The following TSHZ2 variants were observed in gnomAD, a reference collection of about 807,000 sequenced individuals.
TSHZ2 encodes the protein teashirt zinc finger homeobox 2.
A neutral mutation model predicts 74.4 loss-of-function variants in TSHZ2; 21 were observed. That is an observed-to-expected ratio of 0.28 (90% confidence interval 0.20 to 0.41). The LOEUF (loss-of-function observed/expected upper bound fraction) is 0.41, where lower values mean the gene tolerates loss of function less well. Ranked by LOEUF, TSHZ2 falls within the 10% of genes least tolerant of loss-of-function variation. TSHZ2 has a pLI of 1.00. For missense variants in TSHZ2, 1,244 were observed against 1,293.5 expected (o/e 0.96, Z 0.59); for synonymous variants, 540 against 515.3 (o/e 1.05, Z -0.65).
chr20:53,331,295 A>G (rs2145547959), intron 2 of TSHZ2, among the ~76,000 whole-genome samples: 2 of 152,318 alleles, frequency 1.3e-5, no homozygotes, highest in South Asian at 4.1e-4. Flanking sequence ...GGAAGGTAGT[A>G]ACTAACCAGG....
At chr20:53,234,381 T>A (rs1371349451) in intron 1 of TSHZ2, among the ~76,000 whole-genome samples, 1 of 152,168 alleles carries the variant, frequency 6.6e-6, no homozygotes, top group South Asian at 2.1e-4. Flanking sequence ...CATGCACAGG[T>A]GCCTCCATAC....
At chr20:53,316,826 C>A (rs1241698450) in intron 2 of TSHZ2, among the ~76,000 whole-genome samples, 2 of 152,122 alleles carry the variant, frequency 1.3e-5, no homozygotes, top group African/African-American at 2.4e-5. Context: ...AAAAAGGTTG[C>A]CAATCCCTGC....
At chr20:52,997,745 C>A (rs553069928) in intron 1 of TSHZ2, among the ~76,000 whole-genome samples, 1 of 152,308 alleles carries the variant, frequency 6.6e-6, no homozygotes, top group Non-Finnish European at 1.5e-5. Flanking sequence ...CCAACTAAAT[C>A]TTTGTGGCTT....
intron 2 of TSHZ2, among the ~76,000 whole-genome samples, chr20:53,286,736 T>A (rs1991173927): frequency 6.6e-6 from 1 of 152,114 alleles, no homozygotes; most frequent in Admixed American, 6.5e-5. Flanking sequence ...AAAAATAATT[T>A]ATTTTTACTT....
At chr20:53,000,802 T>G (rs1190095110) in intron 1 of TSHZ2, among the ~76,000 whole-genome samples, 2 of 152,168 alleles carry the variant, frequency 1.3e-5, no homozygotes, top group Non-Finnish European at 2.9e-5. Flanking sequence ...TTTCAGGACT[T>G]TTTGATCTCT....
At chr20:53,047,359 C>G (rs540981027) in intron 1 of TSHZ2, among the ~76,000 whole-genome samples, 108 of 152,296 alleles carry the variant, frequency 7.1e-4, no homozygotes, top group Middle Eastern at 3.4e-3. Flanking sequence ...TCTTTGGTTG[C>G]TCTGCCACCG....
intron 2 of TSHZ2, among the ~76,000 whole-genome samples, chr20:53,480,069 GTT>G (rs71194484): frequency 5.7e-3 from 725 of 127,616 alleles, no homozygotes; most frequent in Middle Eastern, 7.9e-3. Flanking sequence ...CCAGGTTTTT[GTT>G]TTTTTTTTTT....
intron 1 of TSHZ2, among the ~76,000 whole-genome samples, chr20:52,975,712 C>T (rs35734834): frequency 6.6e-6 from 1 of 152,098 alleles, no homozygotes; most frequent in Admixed American, 6.5e-5. Context: ...TATTTATTTG[C>T]TCACATATTA....
chr20:53,392,951 A>C, intron 2 of TSHZ2, among the ~76,000 whole-genome samples: 1 of 152,106 alleles, frequency 6.6e-6, no homozygotes, highest in Admixed American at 6.5e-5. Context: ...CCCCTGCCTC[A>C]ACCTCCCGAG....
At chr20:53,448,342 G>A (rs1984640758) in intron 2 of TSHZ2, among the ~76,000 whole-genome samples, 1 of 152,160 alleles carries the variant, frequency 6.6e-6, no homozygotes, top group Non-Finnish European at 1.5e-5. Flanking sequence ...ACAGGAAGCA[G>A]GTAGTCACTT....
rs192024322 is a variant in TSHZ2, at chr20:53,322,125, T to A, written c.*8+65554T>A. On this transcript the variant is annotated intron_variant, in intron 2 of 2. Coordinates refer to ENST00000371497, the MANE Select transcript of TSHZ2 (RefSeq NM_173485.6). The stretch of plus-strand genomic sequence containing the variant: ...ACCTCTCTGGGACTCTATTTTCCTA[T>A]CTGTAAATCAGAGATTTTTATTCTA... Among the ~76,000 whole-genome samples the A allele has an allele frequency of 6.1e-4, 93 of 152,344 alleles. 1 individual carries two copies. The Middle Eastern group carries it at 0.01, about 17-fold the overall frequency.
chr20:53,051,761 G>C (rs1275704841), intron 1 of TSHZ2, among the ~76,000 whole-genome samples: 2 of 152,192 alleles, frequency 1.3e-5, no homozygotes, highest in Admixed American at 6.5e-5. Context: ...GCCCTGCCAA[G>C]TTCTCACACG....
intron 1 of TSHZ2, among the ~76,000 whole-genome samples, chr20:53,240,721 TGATA>T (rs11468792): frequency 0.12 from 17,369 of 145,052 alleles, 1,066 homozygotes; most frequent in Middle Eastern, 0.19. Context: ...GATAGATAGA[TGATA>T]GATAGATAGA....
intron 1 of TSHZ2, among the ~76,000 whole-genome samples, chr20:53,105,325 T>C (rs1477342725): frequency 6.6e-6 from 1 of 152,206 alleles, no homozygotes; most frequent in Non-Finnish European, 1.5e-5. Context: ...AGATGATTCT[T>C]CTGAGAGGGG....
At position 53,083,303 on chromosome 20, in the gene TSHZ2, C is replaced by T. The variant is rs372226870; in HGVS notation, c.40+109970C>T. On this transcript the variant is annotated intron_variant, in intron 1 of 2. Coordinates refer to ENST00000371497, the MANE Select transcript of TSHZ2 (RefSeq NM_173485.6). Reference sequence around the variant, plus strand: ...TCAATGTTATTTTTACTTATAGGACCCCAAAATGTGACCTTCCTTAGGGAG... The same window carrying T: ...TCAATGTTATTTTTACTTATAGGACTCCAAAATGTGACCTTCCTTAGGGAG... 3.1e-4 allele frequency among the ~76,000 whole-genome samples: 47 copies of T among 152,228 alleles called. No homozygotes were observed. The South Asian group carries it at 9.3e-3, about 30-fold the overall frequency.
At chr20:53,460,299 C>T (rs988040745) in intron 2 of TSHZ2, among the ~76,000 whole-genome samples, 1 of 152,132 alleles carries the variant, frequency 6.6e-6, no homozygotes, top group Non-Finnish European at 1.5e-5. Flanking sequence ...CGCTTCATTT[C>T]ATCTTCCATC....
intron 2 of TSHZ2, among the ~76,000 whole-genome samples, chr20:53,375,663 G>A (rs998495026): frequency 2.0e-5 from 3 of 152,102 alleles, no homozygotes; most frequent in African/African-American, 7.2e-5. Context: ...GCCTATGGGT[G>A]TTCTCCTTCC....
At chr20:53,227,856 C>T (rs779558272) in intron 1 of TSHZ2, among the ~76,000 whole-genome samples, 5 of 151,966 alleles carry the variant, frequency 3.3e-5, no homozygotes, top group African/African-American at 4.8e-5. Context: ...AGTATTTTTT[C>T]CTCATTTTTC....
At chr20:53,305,902 C>T (rs898085803) in intron 2 of TSHZ2, among the ~76,000 whole-genome samples, 1 of 151,328 alleles carries the variant, frequency 6.6e-6, no homozygotes, top group South Asian at 2.1e-4. Flanking sequence ...TGCTTGAACC[C>T]GGGAGGCGGA....
Sources: gnomAD v4.1 joint callset for allele counts (sites outside exome capture counted in the v4.1 genomes callset) on GRCh38, gnomAD v4.1.1 for gene constraint, MANE v1.5 for transcripts, NCBI Gene and HGNC (gene_info 2026-07-23, HGNC 2026-07-21) for gene names.